Variants in SPACA9 observed in about 807,000 individuals in gnomAD.
The protein encoded by SPACA9 is sperm acrosome-associated protein 9.
In SPACA9, 14 loss-of-function variants were observed where a neutral mutation model predicts 12.5. The observed-to-expected ratio is 1.12, with a 90% CI of 0.74 to 1.75. The LOEUF (loss-of-function observed/expected upper bound fraction) is 1.75. Among genes scored for constraint, SPACA9 ranks in the 40% most tolerant of loss-of-function variants. The pLI, the probability that SPACA9 is intolerant of heterozygous loss-of-function variation, is 0.00. For missense variants in SPACA9, 292 were observed against 291.9 expected (o/e 1.00, Z 0.00); for synonymous variants, 111 against 114.1 (o/e 0.97, Z 0.17).
chr9:132,885,227 A>G (rs1844533695), intron 2 of SPACA9, among the ~76,000 whole-genome samples: 1 of 150,890 alleles, frequency 6.6e-6, no homozygotes, highest in African/African-American at 2.4e-5. Context: ...AATGTTAAAT[A>G]TAGAGGCCAG....
At position 132,887,554 on chromosome 9, in the gene SPACA9, A is replaced by C. The variant is rs2131494678; in HGVS notation, c.330A>C (p.Leu110Phe). 1 of 1,613,990 alleles carries C rather than the reference A, an allele frequency of 6.2e-7. No individual in the cohort carries two copies. Among genetic ancestry groups the C allele is most frequent in the South Asian group, 1.1e-5 (1 of 91,080 alleles). The stretch of plus-strand genomic sequence containing the variant: ...CCCTCGTTAGCCAAAGCAACGACTT[A>C]AGCAGCCTCAGAGCAAAGTAAGTCC... ...CKTLVSQSND[L>F]SSLRAKYPHD... Residue 110 changes from leucine (L) to phenylalanine (F), a missense_variant, in exon 3 of 4, where the codon TTA becomes TTC. Coordinates refer to ENST00000356311, the MANE Select transcript of SPACA9 (RefSeq NM_001316897.2). The surrounding 1 kb of genome is among the most constrained non-coding windows in gnomAD (Gnocchi z 5.4).
chr9:132,890,011 A>G lies in SPACA9; in HGVS notation c.*1400A>G, dbSNP rs374281148. On this transcript the variant is annotated 3_prime_UTR_variant, in exon 4 of 4. Coordinates refer to ENST00000356311, the MANE Select transcript of SPACA9 (RefSeq NM_001316897.2). ...CTTCCTCAGGGGGAGACAGTCAAGA[A>G]TAAAAAGTATTCTACCACCTCTCTG... 43 of 1,456,596 alleles carry G rather than the reference A, an allele frequency of 3.0e-5. No individual in the cohort carries two copies. The highest frequency in any genetic ancestry group is 3.8e-5 in the Non-Finnish European group (42 of 1,096,508). The allele number at this position is 1,456,596 out of a possible 1,614,324, so 90.2% of individuals were successfully genotyped here. A position where few individuals can be genotyped will look rare whatever the true frequency, so the allele number is the denominator to read the frequency against.
In SPACA9 at chr9:132,887,229, G is replaced by A; in HGVS notation, c.145-140G>A. On this transcript the variant is annotated intron_variant, in intron 2 of 3. Coordinates refer to ENST00000356311, the MANE Select transcript of SPACA9 (RefSeq NM_001316897.2). The surrounding 1 kb of genome is among the most constrained non-coding windows in gnomAD (Gnocchi z 5.4). ...TATAGAGTGGTCTGTACCTTAAAAT[G>A]CTTAAGCGTTACTTGCGTCTCCCCC... The A allele has an allele frequency of 1.4e-6, 1 of 714,158 alleles. No individual in the cohort carries two copies. Among genetic ancestry groups the A allele is most frequent in the East Asian group, 2.5e-5 (1 of 40,356 alleles). The allele number at this position is 714,158 out of a possible 1,614,324, so 44.2% of individuals were successfully genotyped here. A position where few individuals can be genotyped will look rare whatever the true frequency, so the allele number is the denominator to read the frequency against.
At position 132,889,959 on chromosome 9, in the gene SPACA9, G is replaced by C. The variant is rs1196715629; in HGVS notation, c.*1348G>C. 3 of 1,510,666 alleles carry C rather than the reference G, an allele frequency of 2.0e-6. No homozygotes were observed. The highest frequency in any genetic ancestry group is 2.5e-5 in the East Asian group (1 of 39,926). The allele number at this position is 1,510,666 out of a possible 1,614,324, so 93.6% of individuals were successfully genotyped here. ...ACTGTTGGTTTTTCCCTTCACAGGG[G>C]ACGACTTAGCTTCTGTATTATTGTT... On this transcript the variant is annotated 3_prime_UTR_variant, in exon 4 of 4. Transcript: ENST00000356311.
At chr9:132,878,524 C>T, upstream of SPACA9, 2 of 1,187,366 alleles carry the variant, frequency 1.7e-6, no homozygotes, top group East Asian at 3.6e-5. The surrounding 1 kb of genome is among the most constrained non-coding windows in gnomAD (Gnocchi z 4.7). Flanking sequence ...GCTGGGCCTC[C>T]TCGTATCTGA....
rs73550690 is a variant in SPACA9 at position 132,887,213 on chromosome 9, G to A, written c.145-156G>A. Reference sequence around the variant, plus strand: ...GAGAGAGATACCACTATATAGAGTGGTCTGTACCTTAAAATGCTTAAGCGT... The same window carrying A: ...GAGAGAGATACCACTATATAGAGTGATCTGTACCTTAAAATGCTTAAGCGT... On this transcript the variant is annotated intron_variant, in intron 2 of 3. Coordinates refer to ENST00000356311, the MANE Select transcript of SPACA9 (RefSeq NM_001316897.2). The surrounding 1 kb of genome is among the most constrained non-coding windows in gnomAD (Gnocchi z 5.4). Among the ~76,000 whole-genome samples the A allele has an allele frequency of 3.3e-3, 507 of 151,774 alleles. 4 individuals carry two copies. Among genetic ancestry groups the A allele is most frequent in the African/African-American group, 0.01 (431 of 41,374 alleles).
intron 2 of SPACA9, among the ~76,000 whole-genome samples, chr9:132,885,163 C>T (rs557997313): frequency 6.6e-6 from 1 of 151,624 alleles, no homozygotes; most frequent in Non-Finnish European, 1.5e-5. Flanking sequence ...TGAAAAAAAA[C>T]ACTTTTTTTT....
chr9:132,884,857 T>G lies in SPACA9; in HGVS notation c.144+766T>G, dbSNP rs1312083133. ...CTGGCCAGGCGTGGTGGCTCATGCC[T>G]GTAATCCCAGCACTTTGGGAGGCCG... On this transcript the variant is annotated intron_variant, in intron 2 of 3. Coordinates refer to ENST00000356311, the MANE Select transcript of SPACA9 (RefSeq NM_001316897.2). Among the ~76,000 whole-genome samples the G allele has an allele frequency of 2.0e-5, 3 of 152,308 alleles. No individual in the cohort carries two copies. The South Asian group carries it at 6.2e-4, about 32-fold the overall frequency.
chr9:132,883,493 T>C (rs1844477745), intron 1 of SPACA9, among the ~76,000 whole-genome samples: 1 of 152,168 alleles, frequency 6.6e-6, no homozygotes, highest in Admixed American at 6.5e-5. Context: ...CAGCAAGGGA[T>C]TGGAGGGCGT....
upstream of SPACA9, chr9:132,878,496 AC>A: frequency 1.7e-6 from 2 of 1,204,612 alleles, no homozygotes; most frequent in Non-Finnish European, 2.1e-6. The surrounding 1 kb of genome is among the most constrained non-coding windows in gnomAD (Gnocchi z 4.7). Flanking sequence ...AGCGGGGGAC[AC>A]CCTCAGGTGG....
intron 1 of SPACA9, among the ~76,000 whole-genome samples, chr9:132,881,099 C>G (rs889510044): frequency 6.6e-6 from 1 of 151,678 alleles, no homozygotes; most frequent in African/African-American, 2.4e-5. Context: ...GCTGGGATTA[C>G]AGGCGTGAGC....
rs113445735 is a variant in SPACA9, at chr9:132,889,704, G to C, written c.*1093G>C. ...TGCTGGGATTACAGGTGTGAGCCACGGCACCTGGCCAGAACTCAGTAGTGT... is the reference window on the plus strand; with the variant it reads ...TGCTGGGATTACAGGTGTGAGCCACCGCACCTGGCCAGAACTCAGTAGTGT... On this transcript the variant is annotated 3_prime_UTR_variant, in exon 4 of 4. Transcript: ENST00000356311. The C allele has an allele frequency of 7.2e-6, 8 of 1,113,320 alleles. No homozygotes were observed. In the African/African-American group the frequency reaches 9.8e-5, roughly 14 times the overall value. The allele number at this position is 1,113,320 out of a possible 1,614,324, so 69.0% of individuals were successfully genotyped here. A position where few individuals can be genotyped will look rare whatever the true frequency, so the allele number is the denominator to read the frequency against.
At position 132,888,599 on chromosome 9, in the gene SPACA9, T is replaced by A; in HGVS notation, c.657T>A (p.Gly219=). 1 of 1,531,518 alleles carries A rather than the reference T, an allele frequency of 6.5e-7. No individual in the cohort carries two copies. Among genetic ancestry groups the A allele is most frequent in the Non-Finnish European group, 8.8e-7 (1 of 1,136,752 alleles). 94.9% of individuals were successfully genotyped at this position (1,531,518 alleles called of 1,614,324 possible). A position where few individuals can be genotyped will look rare whatever the true frequency, so the allele number is the denominator to read the frequency against. The part of the protein sequence containing the change: ...GCSKPPWRPP[G]GKL The stretch of plus-strand genomic sequence containing the variant: ...CAAAACCACCCTGGAGGCCTCCTGG[T>A]GGGAAATTGTAACTCAGAGCCAGGA... Residue 219 remains glycine (G), a synonymous_variant, in exon 4 of 4, where the codon GGT becomes GGA. Coordinates refer to ENST00000356311, the MANE Select transcript of SPACA9 (RefSeq NM_001316897.2). The surrounding 1 kb of genome is among the most constrained non-coding windows in gnomAD (Gnocchi z 5.0).
At chr9:132,885,265 G>A (rs1272412865) in intron 2 of SPACA9, among the ~76,000 whole-genome samples, 5 of 151,882 alleles carry the variant, frequency 3.3e-5, no homozygotes, top group Non-Finnish European at 7.4e-5. Flanking sequence ...GGTAATCCCA[G>A]CACTTTGAGA....
In SPACA9 at chr9:132,887,351, T is replaced by G. The variant is rs1844596080; in HGVS notation, c.145-18T>G. 2 of 1,606,800 alleles carry G rather than the reference T, an allele frequency of 1.2e-6. No homozygotes were observed. Among genetic ancestry groups the G allele is most frequent in the Non-Finnish European group, 1.7e-6 (2 of 1,179,432 alleles). ...CGGGTTGGCATGTCCCCAGCTCATG[T>G]GGCGGCGGCCCTTGCAGGTGCAGAG... On this transcript the variant is annotated intron_variant, in intron 2 of 3. Transcript: ENST00000356311. The surrounding 1 kb of genome is among the most constrained non-coding windows in gnomAD (Gnocchi z 5.4).
chr9:132,886,354 C>T (rs1844565026), intron 2 of SPACA9, among the ~76,000 whole-genome samples: 1 of 152,240 alleles, frequency 6.6e-6, no homozygotes, highest in African/African-American at 2.4e-5. Flanking sequence ...TCCTTCTCCA[C>T]CTTGTGAACA....
Position 132,889,446 on chromosome 9 carries a change from T to G in SPACA9, c.*835T>G, listed in dbSNP as rs887206933. The G allele has an allele frequency of 6.5e-5, 64 of 978,610 alleles. No homozygotes were observed. The highest frequency in any genetic ancestry group is 7.3e-5 in the Non-Finnish European group (60 of 824,022). 60.6% of individuals were successfully genotyped at this position (978,610 alleles called of 1,614,324 possible). A position where few individuals can be genotyped will look rare whatever the true frequency, so the allele number is the denominator to read the frequency against. ...TTTTGAGATGGAGTTTCACTCTGTC[T>G]CCCAGGCTGGAGTGCAGTGGCACGA... On this transcript the variant is annotated 3_prime_UTR_variant, in exon 4 of 4. Coordinates refer to ENST00000356311, the MANE Select transcript of SPACA9 (RefSeq NM_001316897.2).
At chr9:132,884,960 A>G (rs996425757) in intron 2 of SPACA9, among the ~76,000 whole-genome samples, 1 of 149,476 alleles carries the variant, frequency 6.7e-6, no homozygotes, top group African/African-American at 2.5e-5. Flanking sequence ...CTAAAAATAC[A>G]AAAATAGCTG....
Position 132,878,954 on chromosome 9 carries a change from G to T in SPACA9, c.-98G>T. 1 of 183,074 alleles carries T rather than the reference G, an allele frequency of 5.5e-6. No individual in the cohort carries two copies. Among genetic ancestry groups the T allele is most frequent in the Non-Finnish European group, 1.0e-5 (1 of 98,476 alleles). 11.3% of individuals were successfully genotyped at this position (183,074 alleles called of 1,614,324 possible). On this transcript the variant is annotated 5_prime_UTR_variant, in exon 1 of 4. Coordinates refer to ENST00000356311, the MANE Select transcript of SPACA9 (RefSeq NM_001316897.2). This position sits in a 1 kb window ranked among gnomAD's most constrained non-coding sequence, Gnocchi z 4.7. ...CACCCTCCGGGGCACCGACACTCAC[G>T]GAGTCACTCCAACTTCTCTGGGTGC...
Sources: allele counts gnomAD v4.1 joint callset (sites outside exome capture counted in the v4.1 genomes callset), GRCh38; gene constraint gnomAD v4.1.1; non-coding constraint Gnocchi (gnomAD v3.1); transcripts MANE v1.5; gene names NCBI Gene and HGNC (gene_info 2026-07-23, HGNC 2026-07-21).